The following GRIK1 variants were observed in gnomAD, a reference collection of about 807,000 sequenced individuals.
The protein encoded by GRIK1 is glutamate receptor ionotropic, kainate 1.
Under a neutral mutation model 105.7 loss-of-function variants are expected in GRIK1, and 69 were observed. The ratio of observed to expected loss-of-function variants is 0.65; its 90% CI spans 0.54 to 0.80. GRIK1 has a LOEUF of 0.80. Ranked by LOEUF, GRIK1 falls within the 30% of genes least tolerant of loss-of-function variation. The pLI, the probability that GRIK1 is intolerant of heterozygous loss-of-function variation, is 0.00. For missense variants in GRIK1, 1,109 were observed against 1,167.3 expected (o/e 0.95, Z 0.73); for synonymous variants, 438 against 431.3 (o/e 1.02, Z -0.19).
At chr21:29,750,845 C>T (rs529271813) in intron 1 of GRIK1, among the ~76,000 whole-genome samples, 9 of 152,220 alleles carry the variant, frequency 5.9e-5, no homozygotes, top group East Asian at 5.8e-4. Flanking sequence ...CACTCTCGTC[C>T]GTGTGAAGAG....
At chr21:29,849,517 G>C (rs552388346) in intron 1 of GRIK1, among the ~76,000 whole-genome samples, 1 of 152,172 alleles carries the variant, frequency 6.6e-6, no homozygotes, top group Non-Finnish European at 1.5e-5. Flanking sequence ...TCCTTCCTTA[G>C]AGCGTCAGAC....
chr21:29,656,387 AAAG>A (rs1286989935), intron 4 of GRIK1, among the ~76,000 whole-genome samples: 2 of 145,134 alleles, frequency 1.4e-5, no homozygotes, highest in African/African-American at 5.3e-5. Context: ...AAAAAAAAAA[AAAG>A]AAATGAAGAG....
intron 14 of GRIK1, among the ~76,000 whole-genome samples, chr21:29,568,162 A>T (rs1327082350): frequency 6.6e-6 from 1 of 152,196 alleles, no homozygotes; most frequent in East Asian, 1.9e-4. Context: ...GACCTCATAG[A>T]TTTCTTCCCA....
chr21:29,669,041 A>T (rs144919685), intron 4 of GRIK1, among the ~76,000 whole-genome samples: 268 of 152,334 alleles, frequency 1.8e-3, no homozygotes, highest in African/African-American at 5.9e-3. Context: ...TCATGAAGAA[A>T]GTTCATATGA....
chr21:29,906,210 C>T (rs2070633673), intron 1 of GRIK1, among the ~76,000 whole-genome samples: 1 of 152,108 alleles, frequency 6.6e-6, no homozygotes, highest in Non-Finnish European at 1.5e-5. Flanking sequence ...TCATTGTGTG[C>T]TACAACTTAT....
intron 1 of GRIK1, among the ~76,000 whole-genome samples, chr21:29,727,003 T>C (rs1345717901): frequency 1.3e-5 from 2 of 152,156 alleles, no homozygotes; most frequent in East Asian, 3.8e-4. Flanking sequence ...GATCTTGATC[T>C]CAGCTCACTG....
chr21:29,548,924 G>A (rs1370747802), intron 16 of GRIK1, among the ~76,000 whole-genome samples: 2 of 152,104 alleles, frequency 1.3e-5, no homozygotes, highest in African/African-American at 4.8e-5. Context: ...AAAATATAAA[G>A]CTTAATTTTT....
chr21:29,835,026 T>C (rs888128322), intron 1 of GRIK1, among the ~76,000 whole-genome samples: 9 of 152,144 alleles, frequency 5.9e-5, no homozygotes, highest in Admixed American at 1.3e-4. Context: ...GTTTCTACTA[T>C]GCTCTTTCTG....
chr21:29,836,357 A>T (rs909225842), intron 1 of GRIK1, among the ~76,000 whole-genome samples: 1 of 152,210 alleles, frequency 6.6e-6, no homozygotes, highest in East Asian at 1.9e-4. Flanking sequence ...TATGATACAC[A>T]GAGACAGACA....
intron 1 of GRIK1, among the ~76,000 whole-genome samples, chr21:29,741,950 T>G (rs189993975): frequency 6.6e-6 from 1 of 152,358 alleles, no homozygotes; most frequent in East Asian, 1.9e-4. Context: ...AGAGTCCTTT[T>G]GAAAGCTCTG....
rs550920399 is a variant in GRIK1 at position 29,845,438 on chromosome 21, T to A, written c.118+93945A>T. Among the ~76,000 whole-genome samples, 5 of 152,306 alleles carry A rather than the reference T, an allele frequency of 3.3e-5. No homozygotes were observed. In the East Asian group the frequency reaches 9.6e-4, roughly 29 times the overall value. ...CTGTCTGTCATGTTTCTGTGGTTTT[T>A]ATTTCTGTTAATCCTGCGTTGGTTA... is the stretch of plus-strand genomic sequence containing the variant. On this transcript the variant is annotated intron_variant, in intron 1 of 17. Transcript: ENST00000327783.
chr21:29,809,769 T>A (rs997780787), intron 1 of GRIK1, among the ~76,000 whole-genome samples: 34 of 152,180 alleles, frequency 2.2e-4, no homozygotes, highest in African/African-American at 8.2e-4. Flanking sequence ...TAGCTCTTGA[T>A]TTTAAGTAAG....
intron 1 of GRIK1, among the ~76,000 whole-genome samples, chr21:29,926,214 T>C (rs1426960484): frequency 6.6e-6 from 1 of 152,146 alleles, no homozygotes; most frequent in African/African-American, 2.4e-5. Context: ...TTTGAGTATT[T>C]ACAATAATAA....
chr21:29,705,369 A>G (rs912311572), intron 1 of GRIK1, among the ~76,000 whole-genome samples: 1 of 152,208 alleles, frequency 6.6e-6, no homozygotes, highest in African/African-American at 2.4e-5. Flanking sequence ...ACACTACACA[A>G]TGACATTTGT....
intron 7 of GRIK1, among the ~76,000 whole-genome samples, chr21:29,632,656 C>T (rs1568913752): frequency 8.4e-6 from 1 of 118,816 alleles, no homozygotes; most frequent in Non-Finnish European, 1.7e-5. Flanking sequence ...TACATACACA[C>T]ATATATCACA....
chr21:29,732,287 A>C (rs2064651449), intron 1 of GRIK1, among the ~76,000 whole-genome samples: 1 of 152,108 alleles, frequency 6.6e-6, no homozygotes, highest in Non-Finnish European at 1.5e-5. Context: ...ACCCATCAGC[A>C]CCTTCAAACA....
intron 15 of GRIK1, among the ~76,000 whole-genome samples, chr21:29,556,027 T>C (rs2090245623): frequency 6.6e-6 from 1 of 152,156 alleles, no homozygotes; most frequent in African/African-American, 2.4e-5. Flanking sequence ...TCAGTAACTT[T>C]CTCCAGAGAA....
At chr21:29,703,152 T>C (rs959345137) in intron 1 of GRIK1, among the ~76,000 whole-genome samples, 1 of 152,242 alleles carries the variant, frequency 6.6e-6, no homozygotes, top group Non-Finnish European at 1.5e-5. Flanking sequence ...GTTTATGATA[T>C]TTTCCTATTC....
intron 1 of GRIK1, among the ~76,000 whole-genome samples, chr21:29,901,656 G>A (rs1420896136): frequency 1.3e-5 from 2 of 152,080 alleles, no homozygotes; most frequent in Admixed American, 1.3e-4. Flanking sequence ...ATAATTAATA[G>A]CCTACCAACC....
Sources: allele counts gnomAD v4.1 joint callset (sites outside exome capture counted in the v4.1 genomes callset), GRCh38; gene constraint gnomAD v4.1.1; transcripts MANE v1.5; gene names NCBI Gene and HGNC (gene_info 2026-07-23, HGNC 2026-07-21).